MARCHF1: variants seen among roughly 807,000 people sequenced by gnomAD.
MARCHF1 encodes the protein membrane associated ring-CH-type finger 1, also known as E3 ubiquitin-protein ligase MARCHF1.
A neutral mutation model predicts 54.2 loss-of-function variants in MARCHF1; 40 were observed. The ratio of observed to expected loss-of-function variants is 0.74; its 90% CI spans 0.57 to 0.96. The LOEUF is 0.96. Among genes scored for constraint, MARCHF1 ranks in the 40% least tolerant of loss-of-function variants. MARCHF1 has a pLI of 0.00. For missense variants in MARCHF1, 586 were observed against 656.5 expected (o/e 0.89, Z 1.17); for synonymous variants, 236 against 236.3 (o/e 1.00, Z 0.01).
chr4:163,979,128 G>A (rs555489624), intron 3 of MARCHF1, among the ~76,000 whole-genome samples: 22 of 113,696 alleles, frequency 1.9e-4, no homozygotes, highest in African/African-American at 4.7e-4. Context: ...CCACTAACTC[G>A]TCATCTAGCA....
chr4:164,011,885 G>T (rs1444559594), intron 2 of MARCHF1, among the ~76,000 whole-genome samples: 2 of 152,034 alleles, frequency 1.3e-5, no homozygotes, highest in Admixed American at 1.3e-4. Context: ...CAGCACAGAT[G>T]GGGAGGAAAT....
intron 9 of MARCHF1, among the ~76,000 whole-genome samples, chr4:163,532,520 A>C (rs959285104): frequency 5.3e-5 from 8 of 151,980 alleles, no homozygotes; most frequent in African/African-American, 1.9e-4. Context: ...AGTATGATCT[A>C]TGAAAAGAAA....
In MARCHF1 at chr4:164,273,054, A is replaced by AT. The variant is rs1191038225; in HGVS notation, c.-323+110815dup. 4.4e-3 allele frequency among the ~76,000 whole-genome samples: 646 copies of AT among 146,324 alleles called. 6 individuals carry two copies. Among genetic ancestry groups the AT allele is most frequent in the African/African-American group, 0.011 (431 of 40,144 alleles). ...TATTAGCTCCTATGTTAGTAAGATA[A>AT]TTTTTTTTTTTTGTATTTTAAGTTT... On this transcript the variant is annotated intron_variant, in intron 1 of 9. Transcript: ENST00000514618.
intron 3 of MARCHF1, among the ~76,000 whole-genome samples, chr4:163,978,941 G>A (rs1292323588): frequency 6.6e-6 from 1 of 151,376 alleles, no homozygotes; most frequent in African/African-American, 2.4e-5. Context: ...TGCCGGCGAT[G>A]CTGGTCTTGA....
chr4:163,874,765 C>T (rs1176742273), intron 3 of MARCHF1, among the ~76,000 whole-genome samples: 3 of 151,976 alleles, frequency 2.0e-5, no homozygotes, highest in African/African-American at 7.3e-5. Context: ...GGTACTTAAG[C>T]TTAGTTTGTA....
chr4:164,016,905 A>T (rs1753554887), intron 2 of MARCHF1, among the ~76,000 whole-genome samples: 1 of 152,168 alleles, frequency 6.6e-6, no homozygotes, highest in Admixed American at 6.6e-5. Flanking sequence ...ATATCAAAAC[A>T]TCACATGTAC....
In MARCHF1 at chr4:164,372,979, G is replaced by T. The variant is rs80056060; in HGVS notation, c.-323+10891C>A. 5.2e-3 allele frequency among the ~76,000 whole-genome samples: 791 copies of T among 152,086 alleles called. 11 individuals are homozygous for T. The highest frequency in any genetic ancestry group is 0.018 in the African/African-American group (758 of 41,492). On this transcript the variant is annotated intron_variant, in intron 1 of 9. Transcript: ENST00000514618. ...TTCCTTCATGTCTAAAAAGTAGCAA[G>T]ATAACTAAAATCTTAAAATGTATAG...
At chr4:163,936,022 T>C (rs573094185) in intron 3 of MARCHF1, among the ~76,000 whole-genome samples, 1 of 152,168 alleles carries the variant, frequency 6.6e-6, no homozygotes, top group Non-Finnish European at 1.5e-5. Context: ...TTAGTGGCTA[T>C]CGTATGGTAA....
At chr4:164,306,178 C>A (rs1282893693) in intron 1 of MARCHF1, among the ~76,000 whole-genome samples, 1 of 152,144 alleles carries the variant, frequency 6.6e-6, no homozygotes, top group Non-Finnish European at 1.5e-5. Flanking sequence ...GGAAACCTCT[C>A]ATTCTCAAGG....
intron 4 of MARCHF1, among the ~76,000 whole-genome samples, chr4:163,749,259 C>T (rs141388932): frequency 1.3e-5 from 2 of 151,834 alleles, no homozygotes; most frequent in Non-Finnish European, 2.9e-5. Context: ...TCATTACTGA[C>T]CTTTCTAAAT....
At chr4:164,218,140 G>A (rs1381033065) in intron 1 of MARCHF1, among the ~76,000 whole-genome samples, 13 of 151,826 alleles carry the variant, frequency 8.6e-5, no homozygotes, top group Non-Finnish European at 1.8e-4. Context: ...GGGAGAGGAG[G>A]TCAGAAACAG....
intron 3 of MARCHF1, among the ~76,000 whole-genome samples, chr4:163,962,669 T>G (rs1255376708): frequency 6.6e-6 from 1 of 151,960 alleles, no homozygotes; most frequent in Non-Finnish European, 1.5e-5. Context: ...TCTATTCTCC[T>G]TAATTTTAAA....
At chr4:164,254,722 G>A (rs1267631072) in intron 1 of MARCHF1, among the ~76,000 whole-genome samples, 3 of 152,122 alleles carry the variant, frequency 2.0e-5, no homozygotes, top group Non-Finnish European at 4.4e-5. Context: ...ATCCAGCATG[G>A]CAGAAAGGTG....
At chr4:164,116,782 T>A (rs1489770157) in intron 1 of MARCHF1, among the ~76,000 whole-genome samples, 1 of 152,052 alleles carries the variant, frequency 6.6e-6, no homozygotes, top group Non-Finnish European at 1.5e-5. Context: ...TGTGTGTGTA[T>A]GCATACCATT....
chr4:163,696,970 C>T (rs1424161405), intron 5 of MARCHF1, among the ~76,000 whole-genome samples: 1 of 152,078 alleles, frequency 6.6e-6, no homozygotes, highest in Non-Finnish European at 1.5e-5. Context: ...ATGCTTATGG[C>T]TGTGATTTAT....
rs76092269 is a variant in MARCHF1, at chr4:164,241,003, T to C, written c.-322-129341A>G. On this transcript the variant is annotated intron_variant, in intron 1 of 9. Coordinates refer to ENST00000514618, the MANE Select transcript of MARCHF1 (RefSeq NM_001394959.1). ...CCAGAGGTCACACGACTGGGGACTT[T>C]TTCCCAATTACTCCTATAGGTAAGA... 1.6e-3 allele frequency among the ~76,000 whole-genome samples: 245 copies of C among 152,260 alleles called. 1 individual carries two copies. Among genetic ancestry groups the C allele is most frequent in the African/African-American group, 5.2e-3 (218 of 41,556 alleles).
intron 4 of MARCHF1, among the ~76,000 whole-genome samples, chr4:163,848,548 T>G (rs1409314035): frequency 6.6e-6 from 1 of 152,204 alleles, no homozygotes; most frequent in East Asian, 1.9e-4. Context: ...TATGATCTCC[T>G]TTGCTCTCAT....
chr4:164,343,846 C>T (rs1729995763), intron 1 of MARCHF1, among the ~76,000 whole-genome samples: 1 of 152,126 alleles, frequency 6.6e-6, no homozygotes, highest in Admixed American at 6.5e-5. Flanking sequence ...AAAACAGTTA[C>T]TGTTTGACCC....
At chr4:163,999,579 T>C (rs1416678989) in intron 2 of MARCHF1, among the ~76,000 whole-genome samples, 1 of 151,166 alleles carries the variant, frequency 6.6e-6, no homozygotes, top group Non-Finnish European at 1.5e-5. Flanking sequence ...AAAAAAGCCA[T>C]ATACCTCACA....
Sources: gnomAD v4.1 joint callset for allele counts (sites outside exome capture counted in the v4.1 genomes callset) on GRCh38, gnomAD v4.1.1 for gene constraint, MANE v1.5 for transcripts, NCBI Gene and HGNC (gene_info 2026-07-23, HGNC 2026-07-21) for gene names.